Variants in LURAP1L observed in about 807,000 individuals in gnomAD.
LURAP1L encodes leucine rich adaptor protein 1 like, also known as leucine rich adaptor protein 1-like.
LURAP1L carries 12 observed loss-of-function variants against 13.8 expected under a neutral mutation model. The ratio of observed to expected loss-of-function variants is 0.87; its 90% CI spans 0.56 to 1.41. The LOEUF is 1.41. LURAP1L is among the 40% of genes most tolerant of loss of function. The pLI, the probability that LURAP1L is intolerant of heterozygous loss-of-function variation, is 0.00. For missense variants in LURAP1L, 375 were observed against 292.9 expected (o/e 1.28, Z -2.04); for synonymous variants, 139 against 119.2 (o/e 1.17, Z -1.08).
At chr9:12,781,627 G>T (rs181055648) in intron 1 of LURAP1L, among the ~76,000 whole-genome samples, 1 of 152,066 alleles carries the variant, frequency 6.6e-6, no homozygotes, top group African/African-American at 2.4e-5. Context: ...TCTATTGTGC[G>T]TACGTACAAC....
intron 1 of LURAP1L, among the ~76,000 whole-genome samples, chr9:12,811,457 T>G (rs151137433): frequency 8.6e-4 from 131 of 152,334 alleles, no homozygotes; most frequent in African/African-American, 3.1e-3. Context: ...GAAATCAATT[T>G]CTCTTAGGGG....
chr9:12,809,986 C>T (rs1819714618), intron 1 of LURAP1L, among the ~76,000 whole-genome samples: 1 of 152,114 alleles, frequency 6.6e-6, no homozygotes, highest in African/African-American at 2.4e-5. Context: ...GTTCTCCTGT[C>T]CATAATTAAG....
Position 12,775,371 on chromosome 9 carries a change from T to G in LURAP1L, c.-345T>G, listed in dbSNP as rs554235232. On this transcript the variant is annotated 5_prime_UTR_variant, in exon 1 of 2. Transcript: ENST00000319264. The stretch of plus-strand genomic sequence containing the variant: ...TAAAACAGATTTAATTTCCCTCTCT[T>G]TTCTTTCACTACTTCCCCCTCTTTA... 47 of 251,934 alleles carry G rather than the reference T, an allele frequency of 1.9e-4. No homozygotes were observed. Among genetic ancestry groups the G allele is most frequent in the African/African-American group, 1.0e-3 (45 of 44,690 alleles). 15.6% of individuals were successfully genotyped at this position (251,934 alleles called of 1,614,324 possible).
intron 1 of LURAP1L, among the ~76,000 whole-genome samples, chr9:12,818,553 A>G (rs77364569): frequency 3.1e-3 from 474 of 152,332 alleles, no homozygotes; most frequent in African/African-American, 0.011. Flanking sequence ...CATTGGCAGT[A>G]TATGACAGTA....
At chr9:12,782,339 T>A (rs1219222970) in intron 1 of LURAP1L, among the ~76,000 whole-genome samples, 1 of 152,230 alleles carries the variant, frequency 6.6e-6, no homozygotes, top group African/African-American at 2.4e-5. Context: ...TCCAGAGCAA[T>A]GTTATAGAGA....
At chr9:12,778,642 T>C (rs1223312588) in intron 1 of LURAP1L, among the ~76,000 whole-genome samples, 6 of 152,214 alleles carry the variant, frequency 3.9e-5, no homozygotes. Context: ...CATCAGATAC[T>C]CTCTGTAGAG....
At chr9:12,812,890 T>G (rs1819757308) in intron 1 of LURAP1L, among the ~76,000 whole-genome samples, 1 of 152,208 alleles carries the variant, frequency 6.6e-6, no homozygotes, top group Admixed American at 6.5e-5. Flanking sequence ...TTTTTCAGTA[T>G]ATTTCATGTC....
chr9:12,788,621 T>A (rs1819396310), intron 1 of LURAP1L, among the ~76,000 whole-genome samples: 1 of 152,032 alleles, frequency 6.6e-6, no homozygotes, highest in East Asian at 1.9e-4. Flanking sequence ...TATGTAGCTA[T>A]TAAAATTATG....
intron 1 of LURAP1L, among the ~76,000 whole-genome samples, chr9:12,801,713 G>A (rs541499206): frequency 1.3e-5 from 2 of 152,056 alleles, no homozygotes; most frequent in South Asian, 2.1e-4. Context: ...CTTTTTAAAG[G>A]GCATAAACAC....
intron 1 of LURAP1L, among the ~76,000 whole-genome samples, chr9:12,781,556 A>G (rs989773969): frequency 2.7e-4 from 41 of 152,142 alleles, no homozygotes; most frequent in Non-Finnish European, 7.4e-5. Context: ...GAAATCCTCC[A>G]CTTCCATCCA....
At chr9:12,818,177 T>G (rs1218064626) in intron 1 of LURAP1L, among the ~76,000 whole-genome samples, 2 of 151,534 alleles carry the variant, frequency 1.3e-5, no homozygotes, top group Non-Finnish European at 2.9e-5. Context: ...AGTCATTTCA[T>G]GGTCAAAGGA....
intron 1 of LURAP1L, among the ~76,000 whole-genome samples, chr9:12,794,681 T>C (rs1482340432): frequency 6.6e-6 from 1 of 151,900 alleles, no homozygotes; most frequent in Non-Finnish European, 1.5e-5. Context: ...ACATACATAT[T>C]TCCAAATCCT....
chr9:12,791,378 C>A (rs1819438458), intron 1 of LURAP1L, among the ~76,000 whole-genome samples: 1 of 151,938 alleles, frequency 6.6e-6, no homozygotes, highest in Admixed American at 6.6e-5. Flanking sequence ...TTTTAAATAC[C>A]CATTTTCCCA....
At chr9:12,801,623 A>G (rs1178680463) in intron 1 of LURAP1L, among the ~76,000 whole-genome samples, 1 of 152,214 alleles carries the variant, frequency 6.6e-6, no homozygotes, top group Admixed American at 6.5e-5. Context: ...TAAATTTAAA[A>G]CAGTATGTTT....
In LURAP1L at chr9:12,798,613, G is replaced by A. The variant is rs1167164010; in HGVS notation, c.312+22586G>A. 2.0e-5 allele frequency among the ~76,000 whole-genome samples: 3 copies of A among 152,260 alleles called. No individual in the cohort carries two copies. In the South Asian group the frequency reaches 6.2e-4, roughly 32 times the overall value. ...GCATCTGCTTTTATCACCCTCATTTGTGGTCCTTCAAAGCTAGAAGTGATG... is the reference window on the plus strand; with the variant it reads ...GCATCTGCTTTTATCACCCTCATTTATGGTCCTTCAAAGCTAGAAGTGATG... On this transcript the variant is annotated intron_variant, in intron 1 of 1. Transcript: ENST00000319264.
intron 1 of LURAP1L, among the ~76,000 whole-genome samples, chr9:12,779,075 T>A (rs1819231647): frequency 6.6e-6 from 1 of 152,098 alleles, no homozygotes; most frequent in Non-Finnish European, 1.5e-5. Flanking sequence ...TCTCTCTCTC[T>A]TTCTCTCTCA....
At chr9:12,818,355 T>A (rs1311866355) in intron 1 of LURAP1L, among the ~76,000 whole-genome samples, 3 of 152,202 alleles carry the variant, frequency 2.0e-5, no homozygotes, top group Non-Finnish European at 4.4e-5. Flanking sequence ...GAACGTGTAT[T>A]ACTACTGTCT....
intron 1 of LURAP1L, among the ~76,000 whole-genome samples, chr9:12,802,661 C>T (rs1393418450): frequency 1.3e-5 from 2 of 152,122 alleles, no homozygotes; most frequent in Non-Finnish European, 2.9e-5. Flanking sequence ...CTAATGCACT[C>T]AGTAACCTGC....
intron 1 of LURAP1L, among the ~76,000 whole-genome samples, chr9:12,817,404 C>T (rs1423032534): frequency 1.3e-5 from 2 of 152,188 alleles, no homozygotes; most frequent in Admixed American, 6.5e-5. Flanking sequence ...AAGACCCAAG[C>T]ACTCTGTGGT....
Sources: gnomAD v4.1 joint callset for allele counts (sites outside exome capture counted in the v4.1 genomes callset) on GRCh38, gnomAD v4.1.1 for gene constraint, MANE v1.5 for transcripts, NCBI Gene and HGNC (gene_info 2026-07-23, HGNC 2026-07-21) for gene names.